Variants in LSAMP observed in about 807,000 individuals in gnomAD.
LSAMP encodes limbic system-associated membrane protein.
A neutral mutation model predicts 38.6 loss-of-function variants in LSAMP; 7 were observed. That is an observed-to-expected ratio of 0.18 (90% confidence interval 0.10 to 0.34). LSAMP has a LOEUF of 0.34. Ranked by LOEUF, LSAMP falls within the 10% of genes least tolerant of loss-of-function variation. The probability of loss-of-function intolerance (pLI) is 1.00; values close to 1 mark genes in which losing one functional copy is unlikely to be tolerated. For missense variants in LSAMP, 313 were observed against 420.0 expected (o/e 0.75, Z 2.23); for synonymous variants, 154 against 166.8 (o/e 0.92, Z 0.59).
chr3:116,226,121 C>G (rs2046339242), intron 1 of LSAMP, among the ~76,000 whole-genome samples: 1 of 152,144 alleles, frequency 6.6e-6, no homozygotes, highest in African/African-American at 2.4e-5. Flanking sequence ...TTCTAATTCT[C>G]CCCTGCTGAA....
intron 1 of LSAMP, among the ~76,000 whole-genome samples, chr3:116,430,469 T>C (rs576850315): frequency 6.6e-6 from 1 of 152,316 alleles, no homozygotes; most frequent in Admixed American, 6.5e-5. Flanking sequence ...TATTTTTGTT[T>C]TTATTTTAAT....
At chr3:116,208,461 G>A (rs1180831233) in intron 1 of LSAMP, among the ~76,000 whole-genome samples, 1 of 152,182 alleles carries the variant, frequency 6.6e-6, no homozygotes, top group Admixed American at 6.5e-5. Flanking sequence ...CATTCCTTTG[G>A]AGGAGGAGAA....
At chr3:116,284,735 C>T (rs1245963119) in intron 1 of LSAMP, among the ~76,000 whole-genome samples, 2 of 152,194 alleles carry the variant, frequency 1.3e-5, no homozygotes, top group South Asian at 2.1e-4. Context: ...ATCTCATGGG[C>T]TCTCAATCCA....
At chr3:116,077,456 A>G (rs1707770219) in intron 2 of LSAMP, among the ~76,000 whole-genome samples, 1 of 152,112 alleles carries the variant, frequency 6.6e-6, no homozygotes, top group African/African-American at 2.4e-5. Context: ...TTTGTAATGA[A>G]GTATATTTTA....
chr3:116,157,873 G>T (rs1417274638), intron 1 of LSAMP, among the ~76,000 whole-genome samples: 2 of 151,922 alleles, frequency 1.3e-5, no homozygotes, highest in East Asian at 3.9e-4. Flanking sequence ...GAATTATCCT[G>T]ATACCAAAAC....
At chr3:116,252,197 G>A (rs1405281099) in intron 1 of LSAMP, among the ~76,000 whole-genome samples, 1 of 152,194 alleles carries the variant, frequency 6.6e-6, no homozygotes, top group African/African-American at 2.4e-5. Flanking sequence ...TGTGCACCTA[G>A]TCCATAAGCA....
chr3:116,356,805 G>GT lies in LSAMP; in HGVS notation c.155+88071dup, dbSNP rs761552136. Among the ~76,000 whole-genome samples the GT allele has an allele frequency of 3.9e-4, 59 of 150,158 alleles. 3 individuals carry two copies. In the East Asian group the frequency reaches 7.8e-3, roughly 20 times the overall value. On this transcript the variant is annotated intron_variant, in intron 1 of 6. Transcript: ENST00000490035. Reference sequence around the variant, plus strand: ...GAAGTCAGTTTCTTTCTTTTTTTTTGTTTTTTGAGACGGAGTCTCGCTCTG... The same window carrying GT: ...GAAGTCAGTTTCTTTCTTTTTTTTTGTTTTTTTGAGACGGAGTCTCGCTCTG...
At chr3:116,228,176 T>C (rs897213792) in intron 1 of LSAMP, among the ~76,000 whole-genome samples, 1 of 152,118 alleles carries the variant, frequency 6.6e-6, no homozygotes, top group Non-Finnish European at 1.5e-5. Flanking sequence ...AAACTCTTCT[T>C]GTAGAGATTG....
intron 1 of LSAMP, among the ~76,000 whole-genome samples, chr3:116,232,705 T>C (rs1261622944): frequency 2.1e-5 from 3 of 143,998 alleles, no homozygotes; most frequent in African/African-American, 7.5e-5. Context: ...CTTTCTTTTT[T>C]TTTTTTTTTT....
chr3:116,241,100 C>G (rs1333631575), intron 1 of LSAMP, among the ~76,000 whole-genome samples: 1 of 151,786 alleles, frequency 6.6e-6, no homozygotes, highest in Non-Finnish European at 1.5e-5. Context: ...TTGCTTGAAC[C>G]CGAGAGGCAG....
rs192915849 is a variant in LSAMP at position 115,866,784 on chromosome 3, G to A, written c.515-14167C>T. Among the ~76,000 whole-genome samples, 221 of 152,076 alleles carry A rather than the reference G, an allele frequency of 1.5e-3. 1 individual carries two copies. Among genetic ancestry groups the A allele is most frequent in the African/African-American group, 4.7e-3 (196 of 41,496 alleles). ...AGCAGAATTGACAGGTTGCCAAGCA[G>A]GATAAATTACCTCAAAGATATCAAA... On this transcript the variant is annotated intron_variant, in intron 3 of 6. Coordinates refer to ENST00000490035, the MANE Select transcript of LSAMP (RefSeq NM_002338.5).
intron 1 of LSAMP, among the ~76,000 whole-genome samples, chr3:116,392,542 A>G (rs1214921730): frequency 2.0e-5 from 3 of 152,218 alleles, no homozygotes; most frequent in Admixed American, 6.5e-5. Context: ...GGTGCTGAGG[A>G]CAGCCTGGTG....
chr3:116,398,906 C>T (rs889641294), intron 1 of LSAMP, among the ~76,000 whole-genome samples: 19 of 152,126 alleles, frequency 1.2e-4, no homozygotes, highest in Middle Eastern at 3.4e-3. Context: ...GATTACCTAA[C>T]CAAGAGAACT....
chr3:116,105,177 GAAA>G (rs35932620), intron 1 of LSAMP, among the ~76,000 whole-genome samples: 1 of 143,798 alleles, frequency 7.0e-6, no homozygotes, highest in Non-Finnish European at 1.5e-5. Flanking sequence ...TGACTAGGGG[GAAA>G]AAAAAAAAAA....
At chr3:116,116,113 C>CT (rs59542704) in intron 1 of LSAMP, among the ~76,000 whole-genome samples, 53 of 139,876 alleles carry the variant, frequency 3.8e-4, no homozygotes, top group Admixed American at 5.7e-4. Context: ...TTCTATTTTC[C>CT]TTTTTTTTTT....
chr3:116,138,495 T>G (rs532390733), intron 1 of LSAMP, among the ~76,000 whole-genome samples: 30 of 152,152 alleles, frequency 2.0e-4, no homozygotes, highest in African/African-American at 7.0e-4. Context: ...TGATCTCTAT[T>G]CTAAAAGATA....
At chr3:116,308,156 A>T (rs896345117) in intron 1 of LSAMP, among the ~76,000 whole-genome samples, 1 of 151,954 alleles carries the variant, frequency 6.6e-6, no homozygotes, top group East Asian at 1.9e-4. Flanking sequence ...TGCCTATTAG[A>T]TCCTGCTTTT....
At chr3:116,299,781 A>G (rs761807504) in intron 1 of LSAMP, among the ~76,000 whole-genome samples, 1 of 152,196 alleles carries the variant, frequency 6.6e-6, no homozygotes, top group Non-Finnish European at 1.5e-5. Context: ...CAAATCGTCT[A>G]TATGGAAGTC....
chr3:116,400,120 C>G lies in LSAMP; in HGVS notation c.155+44757G>C, dbSNP rs1289326426. ...CAAATCTAAAAAACCCCTAAATTTC[C>G]TTGATTCTCTCATATATACCAGGAG... On this transcript the variant is annotated intron_variant, in intron 1 of 6. Coordinates refer to ENST00000490035, the MANE Select transcript of LSAMP (RefSeq NM_002338.5). Among the ~76,000 whole-genome samples, 3 of 152,036 alleles carry G rather than the reference C, an allele frequency of 2.0e-5. No individual in the cohort carries two copies. In the South Asian group the frequency reaches 6.2e-4, roughly 32 times the overall value.
Sources: allele counts gnomAD v4.1 joint callset (sites outside exome capture counted in the v4.1 genomes callset), GRCh38; gene constraint gnomAD v4.1.1; transcripts MANE v1.5; gene names NCBI Gene and HGNC (gene_info 2026-07-23, HGNC 2026-07-21).